Variants in CTNNA3 observed in about 807,000 individuals in gnomAD.
The protein encoded by CTNNA3 is catenin alpha 3, also known as catenin alpha-3.
In CTNNA3, 76 loss-of-function variants were observed where a neutral mutation model predicts 95.7. That is an observed-to-expected ratio of 0.79 (90% CI 0.66 to 0.96). CTNNA3 has a LOEUF of 0.96. Among genes scored for constraint, CTNNA3 ranks in the 40% least tolerant of loss-of-function variants. CTNNA3 has a pLI of 0.00. For missense variants in CTNNA3, 1,191 were observed against 1,089.8 expected (o/e 1.09, Z -1.31); for synonymous variants, 431 against 374.4 (o/e 1.15, Z -1.74).
intron 5 of CTNNA3, among the ~76,000 whole-genome samples, chr10:67,449,351 C>G (rs550160143): frequency 6.6e-6 from 1 of 152,020 alleles, no homozygotes; most frequent in Non-Finnish European, 1.5e-5. Flanking sequence ...TCATATGGAA[C>G]CAAAACAGAG....
intron 7 of CTNNA3, among the ~76,000 whole-genome samples, chr10:67,001,792 T>C (rs1006840131): frequency 1.3e-5 from 2 of 151,892 alleles, no homozygotes; most frequent in African/African-American, 4.8e-5. Flanking sequence ...TAAAAAAGGG[T>C]GCTATAGGAA....
intron 15 of CTNNA3, among the ~76,000 whole-genome samples, chr10:66,053,167 A>T (rs2079998887): frequency 6.6e-6 from 1 of 152,018 alleles, no homozygotes; most frequent in Non-Finnish European, 1.5e-5. Flanking sequence ...TTTAGAATAC[A>T]CATTATCAGA....
At chr10:66,846,014 C>T (rs1309799588) in intron 7 of CTNNA3, among the ~76,000 whole-genome samples, 2 of 151,866 alleles carry the variant, frequency 1.3e-5, no homozygotes, top group Non-Finnish European at 2.9e-5. Flanking sequence ...TGCCTATAGT[C>T]CCAGCTACTC....
intron 7 of CTNNA3, among the ~76,000 whole-genome samples, chr10:67,075,489 G>C (rs58738693): frequency 0.054 from 8,257 of 152,162 alleles, 725 homozygotes; most frequent in African/African-American, 0.18. Flanking sequence ...AAAGAGATAA[G>C]AAAGGTGAAG....
At chr10:66,632,534 G>A (rs1486903445) in intron 9 of CTNNA3, among the ~76,000 whole-genome samples, 8 of 125,542 alleles carry the variant, frequency 6.4e-5, no homozygotes, top group Non-Finnish European at 9.7e-5. Context: ...CAGCCTGGGT[G>A]ACAAGAATGA....
intron 9 of CTNNA3, among the ~76,000 whole-genome samples, chr10:66,702,129 T>TTTTTTTTGTAATTTGTAAAA (rs1847963585): frequency 6.6e-6 from 1 of 151,922 alleles, no homozygotes; most frequent in Non-Finnish European, 1.5e-5. Flanking sequence ...TGGCATGCCA[T>TTTTTTTTGTAATTTGTAAAA]TTACACAGTA....
At chr10:66,777,459 A>G (rs2132829678) in intron 7 of CTNNA3, among the ~76,000 whole-genome samples, 1 of 152,324 alleles carries the variant, frequency 6.6e-6, no homozygotes, top group South Asian at 2.1e-4. Flanking sequence ...CACTAATAAC[A>G]TTCTGGATAT....
At chr10:66,016,430 G>A (rs2079097813) in intron 15 of CTNNA3, among the ~76,000 whole-genome samples, 1 of 152,178 alleles carries the variant, frequency 6.6e-6, no homozygotes. Flanking sequence ...AGTGAAAGAA[G>A]CAGTTGGCAA....
At chr10:66,008,256 T>G (rs530105556) in intron 15 of CTNNA3, among the ~76,000 whole-genome samples, 1 of 152,328 alleles carries the variant, frequency 6.6e-6, no homozygotes, top group Non-Finnish European at 1.5e-5. Flanking sequence ...ACTCTGAATA[T>G]AATTCAAATC....
intron 17 of CTNNA3, among the ~76,000 whole-genome samples, chr10:65,962,480 G>T (rs765086914): frequency 6.6e-6 from 1 of 151,982 alleles, no homozygotes. Flanking sequence ...CCTCAGAATT[G>T]TTCCTTGTAT....
chr10:66,396,140 G>A (rs2092974768), intron 11 of CTNNA3, among the ~76,000 whole-genome samples: 3 of 151,906 alleles, frequency 2.0e-5, no homozygotes, highest in Admixed American at 6.6e-5. Context: ...TGGCTGCATA[G>A]TATTCCATGC....
chr10:67,427,491 G>T (rs1012405590), intron 5 of CTNNA3, among the ~76,000 whole-genome samples: 1 of 151,864 alleles, frequency 6.6e-6, no homozygotes, highest in Non-Finnish European at 1.5e-5. Context: ...CCTTCTCTTT[G>T]TAAAAATTCA....
At chr10:67,620,923 G>GTGTGTATATATATATATA (rs1402402526) in intron 2 of CTNNA3, among the ~76,000 whole-genome samples, 6 of 123,850 alleles carry the variant, frequency 4.8e-5, no homozygotes, top group African/African-American at 9.2e-5. Context: ...GTGTGTGTGT[G>GTGTGTATATATATATATA]TATATATATA....
intron 3 of CTNNA3, among the ~76,000 whole-genome samples, chr10:67,589,249 C>T (rs1313083076): frequency 1.3e-5 from 2 of 152,056 alleles, no homozygotes; most frequent in South Asian, 2.1e-4. Context: ...TTGTTCATAC[C>T]ATTACAGTGT....
intron 17 of CTNNA3, among the ~76,000 whole-genome samples, chr10:65,931,265 C>T (rs2077248289): frequency 6.6e-6 from 1 of 152,152 alleles, no homozygotes; most frequent in South Asian, 2.1e-4. Context: ...CTCTTGTGTG[C>T]TTTTGAAATA....
At chr10:66,631,415 A>G (rs4745903) in intron 9 of CTNNA3, among the ~76,000 whole-genome samples, 56,423 of 152,036 alleles carry the variant, frequency 0.37, 10,658 homozygotes, top group Middle Eastern at 0.5. Context: ...GTAATAAAAA[A>G]TAATAATAAA....
chr10:66,601,448 G>T (rs74143431), intron 10 of CTNNA3, among the ~76,000 whole-genome samples: 4,748 of 151,894 alleles, frequency 0.031, 239 homozygotes, highest in African/African-American at 0.11. Flanking sequence ...TTGATAGCTT[G>T]CTAATTACTA....
chr10:65,961,547 T>G lies in CTNNA3; in HGVS notation c.2400+5065A>C, dbSNP rs535691861. On this transcript the variant is annotated intron_variant, in intron 17 of 17. Coordinates refer to ENST00000433211, the MANE Select transcript of CTNNA3 (RefSeq NM_013266.4). Reference sequence around the variant, plus strand: ...AAAAATATGACTATGATATGTGTACTGCTGTGATTTTGGTAATCATAGAGG... The same window carrying G: ...AAAAATATGACTATGATATGTGTACGGCTGTGATTTTGGTAATCATAGAGG... 3.9e-5 allele frequency among the ~76,000 whole-genome samples: 6 copies of G among 152,274 alleles called. No individual in the cohort carries two copies. The East Asian group carries it at 1.2e-3, about 29-fold the overall frequency.
intron 13 of CTNNA3, among the ~76,000 whole-genome samples, chr10:66,238,377 C>T (rs796474138): frequency 4.0e-5 from 6 of 151,824 alleles, no homozygotes; most frequent in South Asian, 2.1e-4. Context: ...GTTTTAGACA[C>T]GTTTATTTTA....
Sources: allele counts gnomAD v4.1 joint callset (sites outside exome capture counted in the v4.1 genomes callset), GRCh38; gene constraint gnomAD v4.1.1; transcripts MANE v1.5; gene names NCBI Gene and HGNC (gene_info 2026-07-23, HGNC 2026-07-21).